FKBP5: variants seen among roughly 807,000 people sequenced by gnomAD.
FKBP5 encodes the protein peptidyl-prolyl cis-trans isomerase FKBP5.
A neutral mutation model predicts 50.5 loss-of-function variants in FKBP5; 23 were observed. That is an observed-to-expected ratio of 0.46 (90% confidence interval 0.33 to 0.65). The LOEUF (loss-of-function observed/expected upper bound fraction) is 0.65, where lower values mean the gene tolerates loss of function less well. Ranked by LOEUF, FKBP5 falls within the 30% of genes least tolerant of loss-of-function variation. FKBP5 has a pLI of 0.02. For missense variants in FKBP5, 411 were observed against 553.1 expected (o/e 0.74, Z 2.58); for synonymous variants, 176 against 190.6 (o/e 0.92, Z 0.63).
Position 35,591,112 on chromosome 6 carries a change from A to G in FKBP5, c.756+18T>C. ...GAAGAAACCTACCATAATTTTAAGG[A>G]AGTTGGTATTTTCTCACCTTTTCGA... On this transcript the variant is annotated intron_variant, in intron 7 of 10. Coordinates refer to ENST00000357266, the MANE Select transcript of FKBP5 (RefSeq NM_004117.4). 2.6e-6 allele frequency: 4 copies of G among 1,535,682 alleles called. No individual in the cohort carries two copies. Among genetic ancestry groups the G allele is most frequent in the Non-Finnish European group, 3.6e-6 (4 of 1,115,286 alleles).
chr6:35,595,087 G>C (rs1249779342), intron 6 of FKBP5, among the ~76,000 whole-genome samples: 1 of 152,152 alleles, frequency 6.6e-6, no homozygotes, highest in African/African-American at 2.4e-5. Flanking sequence ...GATGGATACT[G>C]TCATCCCCAT....
At chr6:35,609,284 G>A (rs1763422579) in intron 5 of FKBP5, among the ~76,000 whole-genome samples, 1 of 151,952 alleles carries the variant, frequency 6.6e-6, no homozygotes, top group African/African-American at 2.4e-5. Context: ...ATATGAGTCT[G>A]CAAATTCCAA....
intron 8 of FKBP5, chr6:35,586,668 T>C (rs1400567657): frequency 8.6e-6 from 9 of 1,044,852 alleles, no homozygotes; most frequent in Non-Finnish European, 1.0e-5. Flanking sequence ...TTCCATTCTT[T>C]GCTAACAATT....
chr6:35,582,132 G>A (rs746449289), intron 8 of FKBP5: 4 of 985,084 alleles, frequency 4.1e-6, no homozygotes, highest in Non-Finnish European at 4.8e-6. Context: ...TACATCCCTC[G>A]AACATCCTTC....
rs1377885848 is a variant in FKBP5 at position 35,619,098 on chromosome 6, T to C, written c.506A>G (p.Glu169Gly). 6.2e-7 allele frequency: 1 copy of C among 1,607,884 alleles called. No homozygotes were observed. The highest frequency in any genetic ancestry group is 8.5e-7 in the Non-Finnish European group (1 of 1,174,470). ...TTCCCTCTTACTTTAATACTTACTT[T>C]CTACTGTTGCTCCTTCGTTTGGATT... ...YSNPNEGATV[E>G]IHLEGRCGGR... The change falls in exon 5 of 11, where the codon GAA becomes GGA. Residue 169 changes from glutamate to glycine, a missense_variant and splice_region_variant. Transcript: ENST00000357266.
At position 35,707,215 on chromosome 6, in the gene FKBP5, C is replaced by CT. The variant is rs34841223; in HGVS notation, c.-20+13112dup. Among the ~76,000 whole-genome samples, 454 of 116,868 alleles carry CT rather than the reference C, an allele frequency of 3.9e-3. 15 individuals carry two copies. Among genetic ancestry groups the CT allele is most frequent in the East Asian group, 0.021 (85 of 3,968 alleles). 76.7% of individuals were successfully genotyped at this position (116,868 alleles called of 152,430 possible). ...CAGATCACTGGTAAGTATGAGAAGA[C>CT]TTTTTTTTTTTTTTTTTTGAGATGG... On this transcript the variant is annotated intron_variant, in intron 2 of 11. Transcript: ENST00000536438.
intron 3 of FKBP5, among the ~76,000 whole-genome samples, chr6:35,631,797 A>C (rs1363037384): frequency 6.6e-6 from 1 of 152,004 alleles, no homozygotes; most frequent in African/African-American, 2.4e-5. Flanking sequence ...TCTACTAAAA[A>C]TACAAAAATT....
At chr6:35,599,794 G>C (rs1182735001) in intron 5 of FKBP5, among the ~76,000 whole-genome samples, 1 of 152,206 alleles carries the variant, frequency 6.6e-6, no homozygotes, top group African/African-American at 2.4e-5. Flanking sequence ...GAATGCTCTA[G>C]ATAAAATTAA....
upstream of FKBP5, among the ~76,000 whole-genome samples, chr6:35,691,920 C>G (rs1488206959): frequency 6.6e-6 from 1 of 152,066 alleles, no homozygotes; most frequent in Non-Finnish European, 1.5e-5. Flanking sequence ...TGTGCTGGGT[C>G]TAATGCTCTG....
At chr6:35,581,397 G>A (rs1762425917) in intron 8 of FKBP5, 1 of 116,214 alleles carries the variant, frequency 8.6e-6, no homozygotes, top group Non-Finnish European at 1.5e-5. Flanking sequence ...CCTGAGGTCA[G>A]GAGTTCGAGA....
chr6:35,664,161 T>C (rs1328253193), intron 1 of FKBP5, among the ~76,000 whole-genome samples: 1 of 152,252 alleles, frequency 6.6e-6, no homozygotes, highest in Admixed American at 6.5e-5. Flanking sequence ...ATTCACAGTA[T>C]GTTCTTCTAA....
Position 35,701,490 on chromosome 6 carries a change from G to A in FKBP5, c.-20+18838C>T, listed in dbSNP as rs1412174890. Among the ~76,000 whole-genome samples the A allele has an allele frequency of 4.0e-5, 6 of 151,792 alleles. No homozygotes were observed. The South Asian group carries it at 6.3e-4, about 16-fold the overall frequency. On this transcript the variant is annotated intron_variant, in intron 2 of 11. Transcript: ENST00000536438. ...GATCTCCTGACCTCGTGATCCGCCC[G>A]CCTCGGCCTCCCAAAGTGCTGGGAT... is the stretch of plus-strand genomic sequence containing the variant.
intron 1 of FKBP5, among the ~76,000 whole-genome samples, chr6:35,720,897 T>C (rs1290794565): frequency 6.8e-6 from 1 of 147,774 alleles, no homozygotes; most frequent in East Asian, 1.9e-4. Flanking sequence ...GCCTGTGATA[T>C]TGGAATGATT....
rs557314654 is a variant in FKBP5, at chr6:35,648,112, T to C, written c.-19-5269A>G. ...CCAGAGAGTCTGGATTTAATTGGTC[T>C]GTGGTGGGGCCAGGGTAATGGTGTT... On this transcript the variant is annotated intron_variant, in intron 1 of 10. Transcript: ENST00000357266. Among the ~76,000 whole-genome samples, 4 of 152,238 alleles carry C rather than the reference T, an allele frequency of 2.6e-5. No individual in the cohort carries two copies. The South Asian group carries it at 8.3e-4, about 32-fold the overall frequency.
intron 5 of FKBP5, among the ~76,000 whole-genome samples, chr6:35,606,415 T>A (rs542032912): frequency 6.6e-6 from 1 of 151,986 alleles, no homozygotes; most frequent in East Asian, 1.9e-4. Context: ...CCCAGCACTT[T>A]GGGAGGCCGA....
intron 2 of FKBP5, among the ~76,000 whole-genome samples, chr6:35,705,238 ATATATATATATATATATATATTTTTTTT>A (rs1766277572): frequency 5.8e-5 from 2 of 34,736 alleles, no homozygotes; most frequent in Non-Finnish European, 1.1e-4. Flanking sequence ...ATATATATAT[ATATATATATATATATATATATTTTTTTT>A]TTTTTTTTTT....
chr6:35,684,744 C>T (rs1216731092), intron 1 of FKBP5, among the ~76,000 whole-genome samples: 1 of 152,120 alleles, frequency 6.6e-6, no homozygotes, highest in Admixed American at 6.6e-5. Context: ...GGCTATAAGT[C>T]GGCCTGGCAC....
intron 1 of FKBP5, among the ~76,000 whole-genome samples, chr6:35,674,876 T>C (rs1336422792): frequency 6.6e-6 from 1 of 152,208 alleles, no homozygotes; most frequent in Non-Finnish European, 1.5e-5. Context: ...ACCACTCCTT[T>C]GCCACTTACC....
At chr6:35,681,744 G>C (rs1167507108) in intron 1 of FKBP5, among the ~76,000 whole-genome samples, 1 of 152,034 alleles carries the variant, frequency 6.6e-6, no homozygotes, top group African/African-American at 2.4e-5. Flanking sequence ...AGGCAGTATA[G>C]ATAGATACTG....
Sources: allele counts gnomAD v4.1 joint callset (sites outside exome capture counted in the v4.1 genomes callset), GRCh38; gene constraint gnomAD v4.1.1; transcripts MANE v1.5; gene names NCBI Gene and HGNC (gene_info 2026-07-23, HGNC 2026-07-21).